Variants in MTRFR observed in about 807,000 individuals in gnomAD.
MTRFR encodes the protein mitochondrial translation release factor in rescue.
Under a neutral mutation model 11.9 loss-of-function variants are expected in MTRFR, and 10 were observed. That is an observed-to-expected ratio of 0.84 (90% confidence interval 0.52 to 1.42). The LOEUF (loss-of-function observed/expected upper bound fraction) is 1.42. MTRFR is among the 40% of genes most tolerant of loss of function. The pLI is 0.00. For missense variants in MTRFR, 196 were observed against 197.9 expected, an observed-to-expected ratio of 0.99 and a Z score of 0.06; for synonymous variants, 77 against 79.1, an observed-to-expected ratio of 0.97 and a Z score of 0.14.
chr12:123,241,141 GT>G (rs869070643), intron 1 of MTRFR, among the ~76,000 whole-genome samples: 2 of 148,736 alleles, frequency 1.3e-5, no homozygotes, highest in African/African-American at 5.0e-5. Context: ...ATTTGGGGTT[GT>G]TTTTTTTTTG....
chr12:123,236,958 G>A (rs1237211518), intron 1 of MTRFR, among the ~76,000 whole-genome samples: 1 of 151,992 alleles, frequency 6.6e-6, no homozygotes, highest in East Asian at 1.9e-4. Flanking sequence ...GGCGGCATGC[G>A]CCTGTAGTCC....
chr12:123,237,173 G>A (rs1348970215), intron 1 of MTRFR, among the ~76,000 whole-genome samples: 3 of 152,052 alleles, frequency 2.0e-5, no homozygotes, highest in Non-Finnish European at 2.9e-5. Flanking sequence ...AAAAATAAAC[G>A]GGGCCAGGCA....
intron 1 of MTRFR, among the ~76,000 whole-genome samples, chr12:123,234,790 A>T (rs1023398229): frequency 4.6e-5 from 7 of 152,200 alleles, no homozygotes; most frequent in Non-Finnish European, 1.0e-4. Flanking sequence ...TTAAACCAGG[A>T]CTTACTTCAT....
intron 1 of MTRFR, among the ~76,000 whole-genome samples, chr12:123,245,767 C>T (rs575726894): frequency 6.6e-6 from 1 of 152,260 alleles, no homozygotes; most frequent in African/African-American, 2.4e-5. Context: ...TATCCAGAAA[C>T]TTTGTGAATT....
At position 123,257,421 on chromosome 12, in the gene MTRFR, CAGG is replaced by C. The variant is rs2138801931; in HGVS notation, c.*393_*395del. On this transcript the variant is annotated 3_prime_UTR_variant, in exon 3 of 3. Transcript: ENST00000253233. The stretch of plus-strand genomic sequence containing the variant: ...ATCCCAGCTACTCGGGAGGCCGAGG[CAGG>C]AGAATTGCGTGAACCTGGGAGGCGG... 4.7e-6 allele frequency: 1 copy of C among 213,788 alleles called. No homozygotes were observed. Among genetic ancestry groups the C allele is most frequent in the South Asian group, 7.1e-5 (1 of 14,064 alleles). 13.2% of individuals were successfully genotyped at this position (213,788 alleles called of 1,614,324 possible). A position where few individuals can be genotyped will look rare whatever the true frequency, so the allele number is the denominator to read the frequency against.
chr12:123,249,904 C>T (rs1047451166), intron 1 of MTRFR: 10 of 152,082 alleles, frequency 6.6e-5, no homozygotes, highest in South Asian at 2.1e-4. Flanking sequence ...TTGTGCTTCT[C>T]GTATTTGGAT....
intron 2 of MTRFR, chr12:123,254,223 G>A: frequency 2.1e-6 from 1 of 484,770 alleles, no homozygotes; most frequent in East Asian, 3.7e-5. Flanking sequence ...CCTTGAATTT[G>A]GCAGACAGCA....
chr12:123,241,003 C>A (rs2047925983), intron 1 of MTRFR, among the ~76,000 whole-genome samples: 1 of 152,046 alleles, frequency 6.6e-6, no homozygotes, highest in African/African-American at 2.4e-5. Context: ...TGTGAGCCAC[C>A]ACACCCAGCC....
intron 1 of MTRFR, chr12:123,252,042 GT>G (rs1326594415): frequency 5.9e-5 from 9 of 152,234 alleles, no homozygotes; most frequent in Admixed American, 5.9e-4. Context: ...CATCTCATCT[GT>G]CTTTTAATAT....
intron 2 of MTRFR, 187 bp downstream of exon 2, chr12:123,254,143 G>A (rs934920655): frequency 4.0e-5 from 26 of 650,770 alleles, no homozygotes; most frequent in Admixed American, 8.9e-5. Context: ...TCCTCCCTAA[G>A]GCAGAACCTC....
rs1039664652 is a variant in MTRFR at position 123,257,884 on chromosome 12, C to G, written c.*853C>G. On this transcript the variant is annotated 3_prime_UTR_variant, in exon 3 of 3. Transcript: ENST00000253233. Reference sequence around the variant, plus strand: ...GGGTGTCCCCGTATTTCAAATTGTACCTTTGTGAGATTGTATGTTTTGTAA... The same window carrying G: ...GGGTGTCCCCGTATTTCAAATTGTAGCTTTGTGAGATTGTATGTTTTGTAA... 4 of 152,180 alleles carry G rather than the reference C, an allele frequency of 2.6e-5. No homozygotes were observed. The allele number at this position is 152,180 out of a possible 1,614,324, so 9.4% of individuals were successfully genotyped here.
chr12:123,238,891 G>A (rs2047890191), intron 1 of MTRFR, among the ~76,000 whole-genome samples: 1 of 152,164 alleles, frequency 6.6e-6, no homozygotes, highest in Non-Finnish European at 1.5e-5. Context: ...ACCAGCACAT[G>A]TGGCCCAAAC....
intron 1 of MTRFR, among the ~76,000 whole-genome samples, chr12:123,247,513 CCCTTTAAGTTTACGTGAGTCTTTAT>C: frequency 6.6e-6 from 1 of 152,250 alleles, no homozygotes; most frequent in East Asian, 1.9e-4. Context: ...CTTTTTCCAC[CCCTTTAAGTTTACGTGAGTCTTTAT>C]GTGTTAGGTG....
At chr12:123,253,543 G>T in intron 1 of MTRFR, 104 bp from the exon 2 acceptor site, 1 of 1,099,478 alleles carries the variant, frequency 9.1e-7, no homozygotes. Context: ...GTAACAGATG[G>T]GTCATCATTT....
chr12:123,248,073 T>C (rs1265660637), intron 1 of MTRFR, among the ~76,000 whole-genome samples: 2 of 152,248 alleles, frequency 1.3e-5, no homozygotes, highest in Non-Finnish European at 2.9e-5. Context: ...GTGTGATTTA[T>C]GCTTTAAAGA....
rs2048042863 is a variant in MTRFR, at chr12:123,246,536, CT to C, written c.-28-7110del. On this transcript the variant is annotated intron_variant, in intron 1 of 2. Transcript: ENST00000253233. ...TGGCACAATCTCGGCTCACTGCAACCTCCGCCTCCCAGGTTCAAGCAATTCT... is the reference window on the plus strand; with the variant it reads ...TGGCACAATCTCGGCTCACTGCAACCCCGCCTCCCAGGTTCAAGCAATTCT... Among the ~76,000 whole-genome samples, 7 of 151,078 alleles carry C rather than the reference CT, an allele frequency of 4.6e-5. 1 individual carries two copies. In the East Asian group the frequency reaches 1.4e-3, roughly 29 times the overall value.
At chr12:123,250,446 CTTG>C (rs1426311884) in intron 1 of MTRFR, 1 of 152,066 alleles carries the variant, frequency 6.6e-6, no homozygotes, top group African/African-American at 2.4e-5. Context: ...GTTGAAGCGT[CTTG>C]TTTTGTCATA....
intron 1 of MTRFR, chr12:123,248,906 C>G (rs2048078683): frequency 6.6e-6 from 1 of 151,968 alleles, no homozygotes; most frequent in South Asian, 2.1e-4. Context: ...AGAGTGCTGA[C>G]TGGTGCATTT....
intron 1 of MTRFR, among the ~76,000 whole-genome samples, chr12:123,238,284 G>A (rs1249027126): frequency 6.6e-6 from 1 of 152,042 alleles, no homozygotes; most frequent in Admixed American, 6.6e-5. Flanking sequence ...CCACCTGCTG[G>A]CCGTTTTGTC....
Sources: gnomAD v4.1 joint callset for allele counts (sites outside exome capture counted in the v4.1 genomes callset) on GRCh38, gnomAD v4.1.1 for gene constraint, MANE v1.5 for transcripts, NCBI Gene and HGNC (gene_info 2026-07-23, HGNC 2026-07-21) for gene names.